Variants in FOXO3 observed in about 807,000 individuals in gnomAD.
FOXO3 encodes the protein forkhead box protein O3.
Under a neutral mutation model 41.9 loss-of-function variants are expected in FOXO3, and 4 were observed. The observed-to-expected ratio is 0.10, with a 90% CI of 0.05 to 0.22. The LOEUF (loss-of-function observed/expected upper bound fraction) is 0.22. Ranked by LOEUF, FOXO3 falls within the 10% of genes least tolerant of loss-of-function variation. The pLI is 1.00. For synonymous variants in FOXO3, 318 were observed against 389.3 expected (o/e 0.82, Z 2.16); for missense variants, 534 against 906.8 (o/e 0.59, Z 5.28).
At chr6:108,671,733 A>G (rs551298246) in intron 2 of FOXO3, among the ~76,000 whole-genome samples, 4 of 152,276 alleles carry the variant, frequency 2.6e-5, no homozygotes, top group African/African-American at 9.6e-5. Context: ...TGTTTTCCTC[A>G]GTGAACTAGA....
chr6:108,580,225 G>C (rs1478228820), intron 1 of FOXO3, among the ~76,000 whole-genome samples: 1 of 108,864 alleles, frequency 9.2e-6, no homozygotes, highest in Non-Finnish European at 1.7e-5. Flanking sequence ...GTCTCACTCT[G>C]TTGCCCAGGC....
rs1770777686 is a variant in FOXO3, at chr6:108,679,956, CTG to C, written c.*166_*167del. On this transcript the variant is annotated 3_prime_UTR_variant, in exon 3 of 3. Transcript: ENST00000406360. ...CGCCATTTTCCTAACCCAGCAGAGA[CTG>C]TTAATGGCCCCTTACCCTGGGTGAA... The C allele has an allele frequency of 6.5e-6, 1 of 153,086 alleles. No individual in the cohort carries two copies. The highest frequency in any genetic ancestry group is 2.1e-4 in the South Asian group (1 of 4,836). 9.5% of individuals were successfully genotyped at this position (153,086 alleles called of 1,614,324 possible).
At chr6:108,583,769 C>A (rs960220176) in intron 1 of FOXO3, among the ~76,000 whole-genome samples, 2 of 152,170 alleles carry the variant, frequency 1.3e-5, no homozygotes, top group Non-Finnish European at 2.9e-5. Flanking sequence ...TAAATGTTAC[C>A]AAGATTTCAG....
chr6:108,657,782 T>C (rs541813639), intron 1 of FOXO3, among the ~76,000 whole-genome samples: 1 of 152,370 alleles, frequency 6.6e-6, no homozygotes, highest in South Asian at 2.1e-4. Context: ...TAATTTTTGA[T>C]ACCAGGGAAG....
intron 1 of FOXO3, among the ~76,000 whole-genome samples, chr6:108,569,981 T>C (rs1002659258): frequency 1.5e-5 from 2 of 136,578 alleles, no homozygotes; most frequent in African/African-American, 5.4e-5. Flanking sequence ...TGTTTTCCCT[T>C]GCGTGGTTTT....
intron 1 of FOXO3, among the ~76,000 whole-genome samples, chr6:108,618,507 A>G (rs1013037989): frequency 2.6e-5 from 4 of 152,238 alleles, no homozygotes; most frequent in African/African-American, 7.2e-5. Flanking sequence ...AATCAGTGGT[A>G]TCGTTTTGAA....
intron 1 of FOXO3, among the ~76,000 whole-genome samples, chr6:108,641,819 A>G (rs1447439759): frequency 6.6e-6 from 1 of 152,236 alleles, no homozygotes; most frequent in African/African-American, 2.4e-5. Context: ...TACATTGTAC[A>G]GTTAAAATCT....
chr6:108,601,017 T>C (rs1286855398), intron 1 of FOXO3, among the ~76,000 whole-genome samples: 1 of 151,642 alleles, frequency 6.6e-6, no homozygotes, highest in Non-Finnish European at 1.5e-5. Context: ...CCTATTGTCT[T>C]TTTTTTTTCT....
intron 1 of FOXO3, among the ~76,000 whole-genome samples, chr6:108,621,342 T>C (rs926152550): frequency 6.6e-6 from 1 of 152,198 alleles, no homozygotes; most frequent in African/African-American, 2.4e-5. Context: ...AACTGCCTGC[T>C]GTGTGAGTCT....
rs996909702 is a variant in FOXO3, at chr6:108,683,512, C to G, written c.*3720C>G. ...ATCCAGCCTGACCAACATGGAGAAA[C>G]CCCGTCTCCATTAAAAATACAAAAT... On this transcript the variant is annotated 3_prime_UTR_variant, in exon 3 of 3. Transcript: ENST00000406360. 3 of 152,162 alleles carry G rather than the reference C, an allele frequency of 2.0e-5. No homozygotes were observed. Among genetic ancestry groups the G allele is most frequent in the African/African-American group, 4.8e-5 (2 of 41,422 alleles). 9.4% of individuals were successfully genotyped at this position (152,162 alleles called of 1,614,324 possible).
intron 1 of FOXO3, among the ~76,000 whole-genome samples, chr6:108,598,665 A>C (rs1025561738): frequency 1.3e-5 from 2 of 152,178 alleles, no homozygotes; most frequent in Admixed American, 6.5e-5. Context: ...TTTTATGATG[A>C]TTGACTTACT....
intron 1 of FOXO3, among the ~76,000 whole-genome samples, chr6:108,579,899 G>C (rs1776360342): frequency 6.6e-6 from 1 of 152,116 alleles, no homozygotes; most frequent in Non-Finnish European, 1.5e-5. Flanking sequence ...TCCTTAAGGA[G>C]GCTATAGAGG....
intron 1 of FOXO3, among the ~76,000 whole-genome samples, chr6:108,572,622 T>C (rs922186115): frequency 6.6e-6 from 1 of 152,198 alleles, no homozygotes; most frequent in Non-Finnish European, 1.5e-5. Flanking sequence ...TCTCATATTT[T>C]AAAATTATAT....
intron 2 of FOXO3, among the ~76,000 whole-genome samples, chr6:108,679,170 C>T (rs1213368740): frequency 6.6e-6 from 1 of 152,126 alleles, no homozygotes; most frequent in Non-Finnish European, 1.5e-5. Flanking sequence ...TGCGCCCGGC[C>T]CATTTCTTAA....
chr6:108,632,554 C>T (rs533976985), intron 1 of FOXO3, among the ~76,000 whole-genome samples: 1 of 152,282 alleles, frequency 6.6e-6, no homozygotes, highest in African/African-American at 2.4e-5. Context: ...GATGCCTTTT[C>T]GTGCACCTGG....
In FOXO3 at chr6:108,661,008, C is replaced by T. The variant is rs942463493; in HGVS notation, c.622-2447C>T. 3.3e-5 allele frequency among the ~76,000 whole-genome samples: 5 copies of T among 151,920 alleles called. No individual in the cohort carries two copies. In the East Asian group the frequency reaches 7.7e-4, roughly 23 times the overall value. ...CTGGGAGGCAGAGCTTGCAGTGAGC[C>T]GAGATCACGCCACTGCACTCCAACC... On this transcript the variant is annotated intron_variant, in intron 1 of 2. Coordinates refer to ENST00000406360, the MANE Select transcript of FOXO3 (RefSeq NM_001455.4).
chr6:108,603,345 A>G (rs555454210), intron 1 of FOXO3, among the ~76,000 whole-genome samples: 101 of 152,326 alleles, frequency 6.6e-4, no homozygotes, highest in African/African-American at 2.3e-3. Context: ...AAAAGTTTAT[A>G]ATCAATTATT....
chr6:108,607,170 A>T (rs1051164863), intron 1 of FOXO3, among the ~76,000 whole-genome samples: 33 of 143,838 alleles, frequency 2.3e-4, no homozygotes, highest in African/African-American at 9.8e-4. Context: ...ATAATATTTC[A>T]GCTGGGCGCA....
At chr6:108,666,738 C>G (rs966762639) in intron 2 of FOXO3, among the ~76,000 whole-genome samples, 15 of 151,388 alleles carry the variant, frequency 9.9e-5, no homozygotes, top group African/African-American at 3.4e-4. Flanking sequence ...GGGAAGTGCC[C>G]TGAACTGGAG....
Sources: allele counts gnomAD v4.1 joint callset (sites outside exome capture counted in the v4.1 genomes callset), GRCh38; gene constraint gnomAD v4.1.1; transcripts MANE v1.5; gene names NCBI Gene and HGNC (gene_info 2026-07-23, HGNC 2026-07-21).